The following RAD51B variants were observed in gnomAD, a reference collection of about 807,000 sequenced individuals.
RAD51B encodes RAD51 paralog B.
In RAD51B, 38 loss-of-function variants were observed where a neutral mutation model predicts 42.2. The observed-to-expected ratio is 0.90, with a 90% CI of 0.70 to 1.18. The LOEUF is 1.18. RAD51B is among the 50% of genes most tolerant of loss of function. The probability of loss-of-function intolerance (pLI) is 0.00; values close to 1 mark genes in which losing one functional copy is unlikely to be tolerated. For synonymous variants in RAD51B, 154 were observed against 145.2 expected (o/e 1.06, Z -0.43); for missense variants, 373 against 400.7 (o/e 0.93, Z 0.59).
chr14:68,574,383 C>T (rs998948001), intron 10 of RAD51B, among the ~76,000 whole-genome samples: 5 of 152,322 alleles, frequency 3.3e-5, no homozygotes, highest in East Asian at 1.9e-4. Flanking sequence ...CCACTGCACC[C>T]GGCCACAGCT....
chr14:68,650,564 A>T (rs17106098), intron 10 of RAD51B, among the ~76,000 whole-genome samples: 1,594 of 152,290 alleles, frequency 0.01, 25 homozygotes, highest in African/African-American at 0.035. Flanking sequence ...CACTATCTAA[A>T]ATCAGACCAG....
chr14:68,403,745 T>G (rs1594788008), intron 8 of RAD51B, among the ~76,000 whole-genome samples: 1 of 152,240 alleles, frequency 6.6e-6, no homozygotes, highest in African/African-American at 2.4e-5. Context: ...ATCATGTGTT[T>G]TAACCACTTT....
chr14:67,859,239 G>T (rs537242494), intron 4 of RAD51B, among the ~76,000 whole-genome samples: 14 of 152,136 alleles, frequency 9.2e-5, no homozygotes, highest in Non-Finnish European at 1.5e-4. Flanking sequence ...ATCTAGTTAG[G>T]TGGATTTATG....
intron 7 of RAD51B, among the ~76,000 whole-genome samples, chr14:68,056,940 T>A (rs1595336047): frequency 1.3e-5 from 2 of 151,364 alleles, no homozygotes; most frequent in African/African-American, 4.9e-5. Flanking sequence ...TTACAAAAAA[T>A]TAGCCCACCA....
chr14:68,047,178 C>T (rs2076315399), intron 7 of RAD51B, among the ~76,000 whole-genome samples: 1 of 151,964 alleles, frequency 6.6e-6, no homozygotes, highest in Non-Finnish European at 1.5e-5. Flanking sequence ...TGTTCTTTAA[C>T]ACCAGAAAGC....
intron 9 of RAD51B, among the ~76,000 whole-genome samples, chr14:68,440,727 C>T (rs1325977654): frequency 6.7e-6 from 1 of 150,278 alleles, no homozygotes; most frequent in Non-Finnish European, 1.5e-5. Flanking sequence ...GCCTGGGCAA[C>T]AAGAGCGAAA....
chr14:68,027,139 C>T (rs944000550), intron 7 of RAD51B, among the ~76,000 whole-genome samples: 19 of 152,068 alleles, frequency 1.2e-4, no homozygotes, highest in Non-Finnish European at 2.5e-4. Flanking sequence ...GTTGGAATTT[C>T]TTTTCTTTAA....
At chr14:67,854,105 G>A (rs926847731) in intron 4 of RAD51B, among the ~76,000 whole-genome samples, 1 of 151,934 alleles carries the variant, frequency 6.6e-6, no homozygotes, top group Non-Finnish European at 1.5e-5. Flanking sequence ...TTTCATTATT[G>A]TCTCCTAAGA....
intron 10 of RAD51B, among the ~76,000 whole-genome samples, chr14:68,636,451 C>G (rs1401058369): frequency 6.6e-6 from 1 of 152,006 alleles, no homozygotes; most frequent in Non-Finnish European, 1.5e-5. Flanking sequence ...GGCATGGTGG[C>G]AGGCACCTGT....
At chr14:68,072,076 T>C (rs1436951535) in intron 7 of RAD51B, among the ~76,000 whole-genome samples, 1 of 118,682 alleles carries the variant, frequency 8.4e-6, no homozygotes, top group African/African-American at 3.5e-5. Flanking sequence ...TATAAATATA[T>C]AAATATATAT....
chr14:67,894,229 T>G (rs1000165402), intron 7 of RAD51B, among the ~76,000 whole-genome samples: 4 of 152,224 alleles, frequency 2.6e-5, no homozygotes, highest in Admixed American at 6.5e-5. Flanking sequence ...GTTACCTCGT[T>G]CCAGATGCCT....
At chr14:68,228,966 A>G (rs2080094821) in intron 7 of RAD51B, among the ~76,000 whole-genome samples, 1 of 152,210 alleles carries the variant, frequency 6.6e-6, no homozygotes, top group Non-Finnish European at 1.5e-5. Context: ...AAACTGGCAG[A>G]TTGGGAAAGA....
intron 7 of RAD51B, among the ~76,000 whole-genome samples, chr14:67,950,017 AC>A (rs2074414694): frequency 6.6e-6 from 1 of 152,144 alleles, no homozygotes; most frequent in South Asian, 2.1e-4. Flanking sequence ...CCATTTCTAG[AC>A]CACAGGCCGA....
At chr14:68,128,727 C>T (rs1444736105) in intron 7 of RAD51B, among the ~76,000 whole-genome samples, 1 of 152,116 alleles carries the variant, frequency 6.6e-6, no homozygotes, top group East Asian at 1.9e-4. Context: ...GTAGATACTG[C>T]TCTGTATCTC....
intron 7 of RAD51B, among the ~76,000 whole-genome samples, chr14:68,163,843 C>G (rs1165626134): frequency 6.6e-6 from 1 of 152,130 alleles, no homozygotes; most frequent in African/African-American, 2.4e-5. Flanking sequence ...CACCCAAGTT[C>G]TTACTCGTTA....
intron 8 of RAD51B, among the ~76,000 whole-genome samples, chr14:68,322,472 G>C (rs368580508): frequency 1.3e-5 from 2 of 152,132 alleles, no homozygotes; most frequent in African/African-American, 4.8e-5. Context: ...GTATGGCCCT[G>C]TAATACTAGG....
At chr14:68,626,496 C>A (rs1257368402) in intron 10 of RAD51B, among the ~76,000 whole-genome samples, 2 of 152,206 alleles carry the variant, frequency 1.3e-5, no homozygotes, top group Non-Finnish European at 2.9e-5. Context: ...ACGGCTAGGG[C>A]TGAAATCATC....
At chr14:68,682,877 T>G (rs917757839) in intron 11 of RAD51B, 10 of 825,656 alleles carry the variant, frequency 1.2e-5, no homozygotes, top group Non-Finnish European at 1.4e-5. Flanking sequence ...TCACAAGGCT[T>G]TTTTTTTTTT....
chr14:68,261,589 T>G (rs2080891063), intron 7 of RAD51B, among the ~76,000 whole-genome samples: 1 of 152,234 alleles, frequency 6.6e-6, no homozygotes, highest in South Asian at 2.1e-4. Flanking sequence ...ACCCATATAG[T>G]GTGCAGCGTT....
Sources: allele counts gnomAD v4.1 joint callset (sites outside exome capture counted in the v4.1 genomes callset), GRCh38; gene constraint gnomAD v4.1.1; transcripts MANE v1.5; gene names NCBI Gene and HGNC (gene_info 2026-07-23, HGNC 2026-07-21).